The following GALNT14 variants were observed in gnomAD, a reference collection of about 807,000 sequenced individuals.
GALNT14 encodes UDP-GalNAc:polypeptide N-acetylgalactosaminyltransferase 14.
In GALNT14, 60 loss-of-function variants were observed where a neutral mutation model predicts 77.5. The ratio of observed to expected loss-of-function variants is 0.77; its 90% CI spans 0.63 to 0.96. The LOEUF (loss-of-function observed/expected upper bound fraction) is 0.96, where lower values mean the gene tolerates loss of function less well. Among genes scored for constraint, GALNT14 ranks in the 40% least tolerant of loss-of-function variants. The probability of loss-of-function intolerance (pLI) is 0.00; values close to 1 mark genes in which losing one functional copy is unlikely to be tolerated. For missense variants in GALNT14, 710 were observed against 731.0 expected (o/e 0.97, Z 0.33); for synonymous variants, 280 against 281.7 (o/e 0.99, Z 0.06).
At chr2:31,065,428 G>C (rs984577344) in intron 1 of GALNT14, 2 of 152,200 alleles carry the variant, frequency 1.3e-5, no homozygotes, top group East Asian at 1.9e-4. Flanking sequence ...AAAACGGGGA[G>C]AATACCTTTC....
intron 1 of GALNT14, among the ~76,000 whole-genome samples, chr2:31,064,766 C>G (rs944017817): frequency 6.6e-6 from 1 of 152,018 alleles, no homozygotes; most frequent in Non-Finnish European, 1.5e-5. Context: ...GGAAATGGCT[C>G]TGCTCTCAAT....
intron 1 of GALNT14, among the ~76,000 whole-genome samples, chr2:31,019,960 G>A (rs773021910): frequency 2.0e-5 from 3 of 152,172 alleles, no homozygotes; most frequent in Non-Finnish European, 4.4e-5. Flanking sequence ...GCGAGCGGTG[G>A]CTCAGTCTAC....
At chr2:31,062,815 A>G (rs559835475) in intron 1 of GALNT14, among the ~76,000 whole-genome samples, 5 of 152,290 alleles carry the variant, frequency 3.3e-5, no homozygotes, top group South Asian at 4.1e-4. Context: ...ATGACCAGTG[A>G]TGATGAGCTT....
At chr2:30,940,124 G>A (rs1026824041) in intron 9 of GALNT14, among the ~76,000 whole-genome samples, 1 of 151,910 alleles carries the variant, frequency 6.6e-6, no homozygotes. Context: ...TGCTTTTTTT[G>A]TGGTTTAAAA....
intron 2 of GALNT14, among the ~76,000 whole-genome samples, chr2:30,981,740 G>A (rs1669003195): frequency 6.6e-6 from 1 of 152,012 alleles, no homozygotes; most frequent in Non-Finnish European, 1.5e-5. Flanking sequence ...GCCAGTTTCC[G>A]CATGCTTTTA....
intron 1 of GALNT14, among the ~76,000 whole-genome samples, chr2:31,005,661 T>C (rs1422521642): frequency 6.6e-6 from 1 of 152,142 alleles, no homozygotes; most frequent in Non-Finnish European, 1.5e-5. Flanking sequence ...GTGGCAGAAA[T>C]GGGGTCTCTG....
At chr2:31,007,324 G>C (rs1670742657) in intron 1 of GALNT14, among the ~76,000 whole-genome samples, 1 of 152,166 alleles carries the variant, frequency 6.6e-6, no homozygotes, top group Admixed American at 6.5e-5. Flanking sequence ...CTCGCCCAGG[G>C]AATCTTAGAT....
At chr2:31,068,326 A>G (rs1407222111) in intron 1 of GALNT14, among the ~76,000 whole-genome samples, 1 of 152,060 alleles carries the variant, frequency 6.6e-6, no homozygotes, top group Non-Finnish European at 1.5e-5. Flanking sequence ...GTCTCTACTA[A>G]AAATACAAAA....
chr2:30,925,874 T>C (rs1665341404), intron 11 of GALNT14, among the ~76,000 whole-genome samples: 2 of 151,514 alleles, frequency 1.3e-5, no homozygotes, highest in African/African-American at 4.9e-5. Context: ...CCAGGGAGGG[T>C]AGTGAGGAGG....
intron 1 of GALNT14, among the ~76,000 whole-genome samples, chr2:31,055,784 C>A (rs973095230): frequency 6.6e-6 from 1 of 152,194 alleles, no homozygotes; most frequent in African/African-American, 2.4e-5. Context: ...AGTACGGTGA[C>A]TGGCTGCTTT....
chr2:30,962,299 TCA>T (rs1312008444), intron 3 of GALNT14, among the ~76,000 whole-genome samples: 10 of 152,244 alleles, frequency 6.6e-5, no homozygotes. Flanking sequence ...TTGCTTGTGA[TCA>T]CACACCTGTT....
At chr2:31,127,515 C>T (rs553563375) in intron 1 of GALNT14, among the ~76,000 whole-genome samples, 4 of 152,286 alleles carry the variant, frequency 2.6e-5, no homozygotes, top group Admixed American at 2.0e-4. Context: ...GTTGAATAGT[C>T]ACATCAGAGA....
chr2:31,103,530 A>G (rs1418648835), intron 1 of GALNT14, among the ~76,000 whole-genome samples: 1 of 151,658 alleles, frequency 6.6e-6, no homozygotes, highest in Non-Finnish European at 1.5e-5. Flanking sequence ...CCTAGGCACA[A>G]TTTACTCTGG....
chr2:30,937,271 A>G (rs915920936), intron 9 of GALNT14, among the ~76,000 whole-genome samples: 6 of 152,238 alleles, frequency 3.9e-5, no homozygotes, highest in African/African-American at 1.2e-4. Context: ...AGGCACTTTC[A>G]TTATCTAATT....
chr2:30,977,567 C>A (rs943095354), intron 2 of GALNT14, among the ~76,000 whole-genome samples: 1 of 152,124 alleles, frequency 6.6e-6, no homozygotes, highest in African/African-American at 2.4e-5. Flanking sequence ...AGCATCATTC[C>A]CTCCTTTCAC....
intron 1 of GALNT14, among the ~76,000 whole-genome samples, chr2:31,050,602 G>A (rs1349010438): frequency 1.3e-5 from 2 of 152,130 alleles, no homozygotes; most frequent in Non-Finnish European, 2.9e-5. Flanking sequence ...AATAAAGTCT[G>A]GAGTTCAGTT....
At chr2:31,007,897 T>C (rs971211068) in intron 1 of GALNT14, among the ~76,000 whole-genome samples, 3 of 152,138 alleles carry the variant, frequency 2.0e-5, no homozygotes, top group Non-Finnish European at 4.4e-5. Flanking sequence ...GCCTCTGCCT[T>C]CCTATGCCCT....
intron 9 of GALNT14, among the ~76,000 whole-genome samples, chr2:30,935,966 G>T (rs1474933840): frequency 6.6e-6 from 1 of 152,148 alleles, no homozygotes; most frequent in East Asian, 1.9e-4. Flanking sequence ...GAACAAAAAA[G>T]AATTGTGTAG....
intron 1 of GALNT14, among the ~76,000 whole-genome samples, chr2:31,001,287 G>T (rs967745851): frequency 6.6e-6 from 1 of 152,046 alleles, no homozygotes; most frequent in African/African-American, 2.4e-5. Context: ...TGCATTTCTG[G>T]TCTTTCTAGA....
Sources: gnomAD v4.1 joint callset for allele counts (sites outside exome capture counted in the v4.1 genomes callset) on GRCh38, gnomAD v4.1.1 for gene constraint, MANE v1.5 for transcripts, NCBI Gene and HGNC (gene_info 2026-07-23, HGNC 2026-07-21) for gene names.